The following RAB9B variants were observed in gnomAD, a reference collection of about 807,000 sequenced individuals.
The protein encoded by RAB9B is ras-related protein Rab-9B.
In RAB9B, 1 loss-of-function variant was observed where a neutral mutation model predicts 8.9. The ratio of observed to expected loss-of-function variants is 0.11; its 90% CI spans 0.04 to 0.53. The LOEUF (loss-of-function observed/expected upper bound fraction) is 0.53, where lower values mean the gene tolerates loss of function less well. Ranked by LOEUF, RAB9B falls within the 20% of genes least tolerant of loss-of-function variation. RAB9B has a pLI of 0.93. For synonymous variants in RAB9B, 63 were observed against 57.0 expected (o/e 1.10, Z -0.47); for missense variants, 82 against 152.9 (o/e 0.54, Z 2.45).
chrX:103,819,854 C>T (rs1000294911), downstream of RAB9B, among the ~76,000 whole-genome samples: 4 of 112,120 alleles, frequency 3.6e-5, no homozygotes, highest in African/African-American at 9.7e-5. Context: ...TGCACATTAA[C>T]GTTTTATCAA....
chrX:103,791,665 T>C, the RAB9B span: 1 of 113,070 alleles, frequency 8.8e-6, no homozygotes, highest in Non-Finnish European at 1.9e-5. Flanking sequence ...ATGATGCACA[T>C]TTCATGTATT....
At chrX:103,830,235 T>C (rs781518647) in intron 1 of RAB9B, among the ~76,000 whole-genome samples, 4 of 111,552 alleles carry the variant, frequency 3.6e-5, no homozygotes, top group Non-Finnish European at 7.5e-5. Context: ...TTTATCATTG[T>C]TTGAAAATGA....
the RAB9B span, among the ~76,000 whole-genome samples, chrX:103,807,249 T>C: frequency 2.0e-3 from 225 of 111,845 alleles, 2 homozygotes; most frequent in East Asian, 0.023. Context: ...AGTCCTACCT[T>C]TTTCCTCTTA....
At chrX:103,786,052 G>A in the RAB9B span, 1 of 1,036,015 alleles carries the variant, frequency 9.7e-7, no homozygotes, top group Non-Finnish European at 1.2e-6. Context: ...CCAAGTTGGA[G>A]CCTCCAGCGT....
At chrX:103,797,710 A>G in the RAB9B span, among the ~76,000 whole-genome samples, 1 of 111,223 alleles carries the variant, frequency 9.0e-6, no homozygotes, top group Non-Finnish European at 1.9e-5. Flanking sequence ...TCTGACCTAT[A>G]GTTGGCAGAT....
At chrX:103,829,522 T>C (rs1199071541) in intron 1 of RAB9B, among the ~76,000 whole-genome samples, 1 of 112,339 alleles carries the variant, frequency 8.9e-6, no homozygotes. Context: ...ATCCTCATTT[T>C]GGCCCACAAT....
At position 103,825,081 on chromosome X, in the gene RAB9B, C is replaced by A; in HGVS notation, c.*98G>T. 1.0e-5 allele frequency: 9 copies of A among 890,253 alleles called. No individual in the cohort carries two copies. Among genetic ancestry groups the A allele is most frequent in the Non-Finnish European group, 1.4e-5 (9 of 642,889 alleles). 73.4% of individuals were successfully genotyped at this position (890,253 alleles called of 1,213,427 possible). On this transcript the variant is annotated 3_prime_UTR_variant, in exon 3 of 3. Coordinates refer to ENST00000243298, the MANE Select transcript of RAB9B (RefSeq NM_016370.4). ...TCACAATCAGAACCTTGTCTCTTAC[C>A]CTCTTGTGTGCGTGTGTGTGCACTC...
chrX:103,788,415 T>A, the RAB9B span: 1 of 1,166,953 alleles, frequency 8.6e-7, no homozygotes. Context: ...CTTACCCTGC[T>A]TGCTTTTTGT....
chrX:103,799,842 T>A, the RAB9B span, among the ~76,000 whole-genome samples: 1 of 111,635 alleles, frequency 9.0e-6, no homozygotes. Context: ...TGAAGACATA[T>A]CATTCATTCA....
chrX:103,789,204 T>G, the RAB9B span: 1 of 579,716 alleles, frequency 1.7e-6, no homozygotes, highest in Non-Finnish European at 3.0e-6. Context: ...AAGTGAAAAC[T>G]TAGTTAGAGA....
intron 2 of RAB9B, 42 bp from the exon 3 acceptor site, chrX:103,825,868 T>G (rs2074681537): frequency 8.1e-6 from 8 of 984,587 alleles, no homozygotes; most frequent in Non-Finnish European, 9.7e-6. Context: ...CAGTTAAACC[T>G]GAAACTGAAA....
the RAB9B span, among the ~76,000 whole-genome samples, chrX:103,781,489 C>T: frequency 3.6e-5 from 4 of 112,285 alleles, no homozygotes; most frequent in African/African-American, 1.3e-4. Flanking sequence ...CACACAACTT[C>T]GTTATATCCA....
At chrX:103,814,148 C>T in the RAB9B span, among the ~76,000 whole-genome samples, 1 of 111,382 alleles carries the variant, frequency 9.0e-6, no homozygotes, top group Non-Finnish European at 1.9e-5. Flanking sequence ...TTCTCAGCAC[C>T]ACATCACACT....
the RAB9B span, among the ~76,000 whole-genome samples, chrX:103,810,239 G>C: frequency 1.8e-5 from 2 of 111,499 alleles, no homozygotes. Flanking sequence ...TGCAGGTGGA[G>C]GGATGAAGTG....
the RAB9B span, chrX:103,788,007 T>C: frequency 1.9e-6 from 2 of 1,052,272 alleles, no homozygotes; most frequent in South Asian, 1.9e-5. Context: ...CTACCCACTA[T>C]GGAAGCACTA....
At chrX:103,786,471 T>C in the RAB9B span, 7 of 1,209,164 alleles carry the variant, frequency 5.8e-6, no homozygotes, top group East Asian at 2.1e-4. Context: ...GCAGGATCCA[T>C]GCCTTCCAGT....
chrX:103,781,426 A>G, the RAB9B span: 16 of 233,986 alleles, frequency 6.8e-5, no homozygotes, highest in South Asian at 7.1e-4. Flanking sequence ...GGGAGTTTGT[A>G]TACAAATGTA....
chrX:103,812,886 T>C, the RAB9B span, among the ~76,000 whole-genome samples: 3 of 109,863 alleles, frequency 2.7e-5, no homozygotes, highest in Non-Finnish European at 3.8e-5. Flanking sequence ...TAGCCCCAGA[T>C]TGCCTTTAGC....
the RAB9B span, among the ~76,000 whole-genome samples, chrX:103,813,591 G>T: frequency 2.8e-5 from 3 of 108,039 alleles, no homozygotes; most frequent in African/African-American, 1.0e-4. Context: ...ATGTAAATGG[G>T]CTAAATGCCC....
Sources: allele counts gnomAD v4.1 joint callset (sites outside exome capture counted in the v4.1 genomes callset), GRCh38; gene constraint gnomAD v4.1.1; transcripts MANE v1.5; gene names NCBI Gene and HGNC (gene_info 2026-07-23, HGNC 2026-07-21).